Variants in IL1R1 observed in about 807,000 individuals in gnomAD.
IL1R1 encodes interleukin 1 receptor type 1.
A neutral mutation model predicts 50.2 loss-of-function variants in IL1R1; 22 were observed. That is an observed-to-expected ratio of 0.44 (90% CI 0.31 to 0.63). The LOEUF (loss-of-function observed/expected upper bound fraction) is 0.63. Ranked by LOEUF, IL1R1 falls within the 20% of genes least tolerant of loss-of-function variation. The pLI is 0.07. For missense variants in IL1R1, 509 were observed against 676.2 expected (o/e 0.75, Z 2.74); for synonymous variants, 251 against 236.7 (o/e 1.06, Z -0.55).
chr2:102,174,557 T>C (rs199537286), intron 9 of IL1R1, 30 bp from the exon 10 acceptor site: 2 of 1,521,468 alleles, frequency 1.3e-6, no homozygotes, highest in South Asian at 1.3e-5. Flanking sequence ...TTCTAATATT[T>C]TTTCTCCTTT....
At chr2:102,160,278 T>C (rs1684598953) in intron 3 of IL1R1, among the ~76,000 whole-genome samples, 1 of 152,146 alleles carries the variant, frequency 6.6e-6, no homozygotes, top group Non-Finnish European at 1.5e-5. Context: ...TTTTTCCTGA[T>C]TAGTCTGGCT....
intron 9 of IL1R1, among the ~76,000 whole-genome samples, chr2:102,173,638 G>T (rs1685873527): frequency 6.6e-6 from 1 of 152,158 alleles, no homozygotes; most frequent in Non-Finnish European, 1.5e-5. Context: ...TAGATTGAAA[G>T]ACTCGATATT....
chr2:102,111,784 T>TG (rs1349335108), intron 1 of IL1R1, among the ~76,000 whole-genome samples: 1 of 152,126 alleles, frequency 6.6e-6, no homozygotes, highest in Admixed American at 6.5e-5. Context: ...CCTTCAGGGA[T>TG]GGGGTCTCAG....
chr2:102,110,000 T>G (rs1317091545), intron 1 of IL1R1, among the ~76,000 whole-genome samples: 1 of 152,250 alleles, frequency 6.6e-6, no homozygotes, highest in Non-Finnish European at 1.5e-5. Flanking sequence ...CATATGATTT[T>G]GAAACTCTTT....
At chr2:102,155,918 C>A (rs1328264825) in intron 2 of IL1R1, among the ~76,000 whole-genome samples, 1 of 152,198 alleles carries the variant, frequency 6.6e-6, no homozygotes, top group Non-Finnish European at 1.5e-5. Context: ...ATTATTATCT[C>A]GTGATACACT....
chr2:102,162,438 C>G (rs577484041), intron 3 of IL1R1, among the ~76,000 whole-genome samples: 1 of 152,126 alleles, frequency 6.6e-6, no homozygotes, highest in South Asian at 2.1e-4. Flanking sequence ...TGGGATCTTG[C>G]TATTTGTTTT....
chr2:102,086,782 C>T (rs1272129514), intron 1 of IL1R1, among the ~76,000 whole-genome samples: 1 of 152,144 alleles, frequency 6.6e-6, no homozygotes, highest in Admixed American at 6.5e-5. Context: ...TATTTGTTCA[C>T]TCATCAATAT....
chr2:102,097,131 T>A (rs955116255), intron 1 of IL1R1, among the ~76,000 whole-genome samples: 1 of 152,188 alleles, frequency 6.6e-6, no homozygotes, highest in African/African-American at 2.4e-5. Context: ...TTGGCTCTTT[T>A]TCGTGGTTCT....
intron 1 of IL1R1, among the ~76,000 whole-genome samples, chr2:102,144,535 A>G (rs1011645447): frequency 1.3e-5 from 2 of 152,178 alleles, no homozygotes; most frequent in Non-Finnish European, 2.9e-5. Flanking sequence ...AACACTGCTT[A>G]ATAGTAGATT....
At chr2:102,128,697 G>A (rs1208329184) in intron 1 of IL1R1, among the ~76,000 whole-genome samples, 1 of 152,190 alleles carries the variant, frequency 6.6e-6, no homozygotes, top group Non-Finnish European at 1.5e-5. Flanking sequence ...TAGTTCTAAA[G>A]AGCAAATCTC....
chr2:102,075,218 TC>T (rs574765503), intron 1 of IL1R1, among the ~76,000 whole-genome samples: 137 of 152,318 alleles, frequency 9.0e-4, no homozygotes, highest in African/African-American at 3.1e-3. Flanking sequence ...TACCTTCAAC[TC>T]TCTGATCTCA....
At chr2:102,150,603 G>A (rs995716180) in intron 1 of IL1R1, among the ~76,000 whole-genome samples, 5 of 152,310 alleles carry the variant, frequency 3.3e-5, no homozygotes, top group South Asian at 2.1e-4. Flanking sequence ...ACCAAACAGC[G>A]ATGGGGGCTG....
chr2:102,072,732 T>C (rs1222614501), intron 1 of IL1R1, among the ~76,000 whole-genome samples: 15 of 152,358 alleles, frequency 9.8e-5, no homozygotes, highest in African/African-American at 3.6e-4. Context: ...TGCAAATATT[T>C]TTCCCTAAGT....
At chr2:102,091,851 C>A (rs950425888) in intron 1 of IL1R1, among the ~76,000 whole-genome samples, 3 of 152,202 alleles carry the variant, frequency 2.0e-5, no homozygotes, top group African/African-American at 4.8e-5. Context: ...ACTTTTTAAG[C>A]TCCTATACAG....
At chr2:102,141,472 G>A (rs1270495401), upstream of IL1R1, among the ~76,000 whole-genome samples, 1 of 152,172 alleles carries the variant, frequency 6.6e-6, no homozygotes, top group African/African-American at 2.4e-5. Context: ...GCTTTCTCGA[G>A]GAAAAGGAAC....
At chr2:102,157,350 C>A (rs1441722205) in intron 2 of IL1R1, among the ~76,000 whole-genome samples, 1 of 151,974 alleles carries the variant, frequency 6.6e-6, no homozygotes, top group African/African-American at 2.4e-5. Flanking sequence ...AATCCCCACA[C>A]AAGCAGAGGT....
chr2:102,071,552 C>T (rs535068208), intron 1 of IL1R1, among the ~76,000 whole-genome samples: 1 of 152,262 alleles, frequency 6.6e-6, no homozygotes, highest in South Asian at 2.1e-4. Context: ...CAGAAAGTGG[C>T]CCAAACTGGC....
chr2:102,124,328 G>T (rs960184834), intron 1 of IL1R1, among the ~76,000 whole-genome samples: 19 of 152,190 alleles, frequency 1.2e-4, no homozygotes, highest in Admixed American at 1.2e-3. Flanking sequence ...GCTGAGGCAG[G>T]AGAATCGCTT....
intron 1 of IL1R1, among the ~76,000 whole-genome samples, chr2:102,090,762 G>A (rs914875284): frequency 6.6e-6 from 1 of 151,776 alleles, no homozygotes; most frequent in Admixed American, 6.6e-5. Flanking sequence ...TACAGTCTTA[G>A]TTTGCTAACT....
Sources: gnomAD v4.1 joint callset for allele counts (sites outside exome capture counted in the v4.1 genomes callset) on GRCh38, gnomAD v4.1.1 for gene constraint, MANE v1.5 for transcripts, NCBI Gene and HGNC (gene_info 2026-07-23, HGNC 2026-07-21) for gene names.